Variants in DNAH2 observed in about 807,000 individuals in gnomAD.
DNAH2 encodes axonemal beta dynein heavy chain 2.
In DNAH2, 323 loss-of-function variants were observed where a neutral mutation model predicts 523.5. That is an observed-to-expected ratio of 0.62 (90% CI 0.56 to 0.68). The LOEUF is 0.68. DNAH2 is among the 30% of genes least tolerant of loss of function. The probability of loss-of-function intolerance (pLI) is 0.00; values close to 1 mark genes in which losing one functional copy is unlikely to be tolerated. For missense variants in DNAH2, 4,907 were observed against 5,701.5 expected, an observed-to-expected ratio of 0.86 and a Z score of 4.49; for synonymous variants, 2,093 against 2,177.4, an observed-to-expected ratio of 0.96 and a Z score of 1.08.
rs2077758569 is a variant in DNAH2, at chr17:7,818,709, G to T, written c.10603G>T (p.Asp3535Tyr). The T allele has an allele frequency of 3.1e-6, 5 of 1,614,040 alleles. No homozygotes were observed. The East Asian group carries it at 1.1e-4, about 36-fold the overall frequency. The change falls in exon 70 of 86, where the codon GAC becomes TAC. Residue 3535 changes from aspartate (D) to tyrosine (Y), a missense_variant. Physicochemically the swap from Asp to Tyr is radical, Grantham distance 160. Around this residue, in one of 3 missense-constraint regions of DNAH2, gnomAD observed 1,851 missense variants for 2,139.4 expected, o/e 0.87. Transcript: ENST00000572933. The part of the protein sequence containing the change: ...KERPELEEQK[D>Y]SLVINIAAGK... ...GCGGCCTGAGCTGGAGGAGCAGAAG[G>T]ACTCACTGGTCATCAACATCGCGGC...
At chr17:7,758,684 C>A in intron 14 of DNAH2, 33 bp downstream of exon 14, 1 of 1,595,066 alleles carries the variant, frequency 6.3e-7, no homozygotes. Flanking sequence ...TAAAGGTCTG[C>A]AAGGCTGATG....
rs576531675 is a variant in DNAH2, at chr17:7,805,878, T to C, written c.9442+485T>C. ...CCAAAGAAAAAAAAAGATTATTTAG[T>C]TGTTACTGGTATTTTCTGACTTTTT... is the stretch of plus-strand genomic sequence containing the variant. On this transcript the variant is annotated intron_variant, in intron 61 of 85. Transcript: ENST00000572933. Among the ~76,000 whole-genome samples, 14 of 152,246 alleles carry C rather than the reference T, an allele frequency of 9.2e-5. No homozygotes were observed. The South Asian group carries it at 2.7e-3, about 29-fold the overall frequency.
Position 7,741,296 on chromosome 17 carries a change from T to TTCTTTCTTC in DNAH2, c.1689+304_1689+305insTCTTTCTTC, listed in dbSNP as rs1567624948. Among the ~76,000 whole-genome samples the TTCTTTCTTC allele has an allele frequency of 1.5e-3, 63 of 41,864 alleles. 2 individuals are homozygous for TTCTTTCTTC. The highest frequency in any genetic ancestry group is 7.4e-3 in the East Asian group (3 of 408). 27.5% of individuals were successfully genotyped at this position (41,864 alleles called of 152,430 possible). A position where few individuals can be genotyped will look rare whatever the true frequency, so the allele number is the denominator to read the frequency against. ...TTTCTTTCTTTCTTTCTTTCTTTCTTCCTTCCTTCCCTCCCTCCCTCCCTC... is the reference window on the plus strand; with the variant it reads ...TTTCTTTCTTTCTTTCTTTCTTTCTTTCTTTCTTCCCTTCCTTCCCTCCCTCCCTCCCTC... On this transcript the variant is annotated intron_variant, in intron 11 of 85. Coordinates refer to ENST00000572933, the MANE Select transcript of DNAH2 (RefSeq NM_020877.5).
At chr17:7,723,451 T>C (rs887528439) in intron 2 of DNAH2, among the ~76,000 whole-genome samples, 177 bp from the exon 3 acceptor site, 5 of 151,752 alleles carry the variant, frequency 3.3e-5, no homozygotes, top group African/African-American at 1.2e-4. Context: ...TTTGTATTTT[T>C]AGTAGAGACG....
At chr17:7,724,189 A>G (rs1050655141) in intron 3 of DNAH2, among the ~76,000 whole-genome samples, 2 of 152,184 alleles carry the variant, frequency 1.3e-5, no homozygotes, top group East Asian at 3.9e-4. Context: ...TGAGAAGAAT[A>G]GAGTGATGAC....
intron 72 of DNAH2, among the ~76,000 whole-genome samples, chr17:7,819,880 C>A (rs1275018743): frequency 2.6e-5 from 4 of 152,204 alleles, no homozygotes; most frequent in Non-Finnish European, 2.9e-5. Context: ...CAAACTCATT[C>A]TCTTCCCTCT....
At chr17:7,796,348 C>G in intron 49 of DNAH2, 116 bp from the exon 50 acceptor site, 2 of 1,213,196 alleles carry the variant, frequency 1.6e-6, no homozygotes, top group Admixed American at 2.7e-5. Flanking sequence ...CGTGCCCGGC[C>G]CTAGGATTTT....
intron 11 of DNAH2, 79 bp from the exon 12 acceptor site, chr17:7,742,849 T>G: frequency 9.6e-7 from 1 of 1,045,736 alleles, no homozygotes; most frequent in Non-Finnish European, 1.3e-6. Flanking sequence ...CATGCGCGCA[T>G]GTGTAGGTCT....
chr17:7,726,980 A>G, intron 3 of DNAH2, 142 bp from the exon 4 acceptor site: 1 of 795,672 alleles, frequency 1.3e-6, no homozygotes, highest in Non-Finnish European at 1.8e-6. Context: ...CAAAGCTGGA[A>G]AGCTATCTTT....
At chr17:7,789,894 C>T (rs2076849462) in intron 44 of DNAH2, among the ~76,000 whole-genome samples, 1 of 152,092 alleles carries the variant, frequency 6.6e-6, no homozygotes, top group East Asian at 1.9e-4. Context: ...GAGGATTACT[C>T]TCTAAACCCA....
In DNAH2 at chr17:7,819,314, C is replaced by G. The variant is rs774960439; in HGVS notation, c.10921C>G (p.Leu3641Val). 6.2e-7 allele frequency: 1 copy of G among 1,614,246 alleles called. No homozygotes were observed. Among genetic ancestry groups the G allele is most frequent in the South Asian group, 1.1e-5 (1 of 91,090 alleles). Residue 3641 changes from leucine to valine, a missense_variant, in exon 72 of 86, where the codon CTC (leucine) becomes GTC (valine). Leu to Val is a conservative substitution (Grantham distance 32). Transcript: ENST00000572933. ...GTTCTCACTGGATGCCTACATCAGCCTCTTTATTCTCAGCATTGACAAAAG... is the reference window on the plus strand; with the variant it reads ...GTTCTCACTGGATGCCTACATCAGCGTCTTTATTCTCAGCATTGACAAAAG... ...YQFSLDAYIS[L>V]FILSIDKSHR...
At chr17:7,761,238 G>T (rs974678916) in intron 18 of DNAH2, among the ~76,000 whole-genome samples, 4 of 152,182 alleles carry the variant, frequency 2.6e-5, no homozygotes, top group Non-Finnish European at 5.9e-5. Flanking sequence ...TAAGAAGGCA[G>T]ATGGGAGTTA....
intron 36 of DNAH2, among the ~76,000 whole-genome samples, chr17:7,779,696 C>T (rs2076552136): frequency 6.6e-6 from 1 of 152,152 alleles, no homozygotes; most frequent in Non-Finnish European, 1.5e-5. Context: ...TCCCTTTAGG[C>T]TAGCTCCAAG....
At chr17:7,742,728 C>T (rs574578823) in intron 11 of DNAH2, among the ~76,000 whole-genome samples, 200 bp from the exon 12 acceptor site, 5 of 152,362 alleles carry the variant, frequency 3.3e-5, no homozygotes, top group South Asian at 4.1e-4. Flanking sequence ...TTTCTCATTG[C>T]GCCTTGGTCT....
intron 61 of DNAH2, among the ~76,000 whole-genome samples, chr17:7,806,041 T>C (rs2077358419): frequency 6.6e-6 from 1 of 152,236 alleles, no homozygotes; most frequent in African/African-American, 2.4e-5. Context: ...ATCTTAATAC[T>C]GACATTCAGC....
chr17:7,803,515 C>T (rs2077279535), intron 58 of DNAH2, among the ~76,000 whole-genome samples: 1 of 150,618 alleles, frequency 6.6e-6, no homozygotes, highest in African/African-American at 2.4e-5. Flanking sequence ...TACAAAAATA[C>T]AAAAATTAGC....
chr17:7,818,295 CCCTT>C lies in DNAH2; in HGVS notation c.10388-14_10388-11del. 3 of 1,613,318 alleles carry C rather than the reference CCCTT, an allele frequency of 1.9e-6. No homozygotes were observed. The highest frequency in any genetic ancestry group is 2.5e-6 in the Non-Finnish European group (3 of 1,179,784). ...CATCACATGGAGTCCTTGCCCCTGACCCTTCCGTGGATGCAGGTGGTCGGCTGTT... is the reference window on the plus strand; with the variant it reads ...CATCACATGGAGTCCTTGCCCCTGACCCGTGGATGCAGGTGGTCGGCTGTT... On this transcript the variant is annotated splice_polypyrimidine_tract_variant and intron_variant, in intron 68 of 85. Coordinates refer to ENST00000572933, the MANE Select transcript of DNAH2 (RefSeq NM_020877.5).
intron 12 of DNAH2, among the ~76,000 whole-genome samples, chr17:7,751,543 A>G (rs765586389): frequency 7.2e-5 from 11 of 151,978 alleles, no homozygotes; most frequent in African/African-American, 1.7e-4. Flanking sequence ...TTTGTATTTC[A>G]TTGTTTGTTT....
Position 7,804,326 on chromosome 17 carries a change from G to A in DNAH2, c.9043G>A (p.Asp3015Asn), listed in dbSNP as rs201835214. 64 of 1,614,172 alleles carry A rather than the reference G, an allele frequency of 4.0e-5. 1 individual carries two copies. The South Asian group carries it at 6.3e-4, about 16-fold the overall frequency. The change falls in exon 59 of 86, where the codon GAC (aspartate) becomes AAC (asparagine). Residue 3015 changes from aspartate to asparagine, a missense_variant. This residue lies in a region of DNAH2 where 1,851 missense variants were observed against 2,139.4 expected (regional missense o/e 0.87). Transcript: ENST00000572933. ...NKLRTGLFKIDETREKVQVMS... is the reference protein window; with the variant it reads ...NKLRTGLFKINETREKVQVMS... ...ACTGCGGACAGGCTTGTTCAAGATC[G>A]ACGAAACTAGGGAAAAGGTGCAAGT...
Sources: gnomAD v4.1 joint callset for allele counts (sites outside exome capture counted in the v4.1 genomes callset) on GRCh38, gnomAD v4.1.1 for gene constraint, gnomAD v4.1.1 regional missense constraint, MANE v1.5 for transcripts, NCBI Gene and HGNC (gene_info 2026-07-23, HGNC 2026-07-21) for gene names.